Variants in MAN1A1 observed in about 807,000 individuals in gnomAD.
MAN1A1 encodes mannosyl-oligosaccharide 1,2-alpha-mannosidase IA.
In MAN1A1, 29 loss-of-function variants were observed where a neutral mutation model predicts 70.8. The ratio of observed to expected loss-of-function variants is 0.41; its 90% confidence interval spans 0.31 to 0.56. The LOEUF is 0.56. Among genes scored for constraint, MAN1A1 ranks in the 20% least tolerant of loss-of-function variants. The probability of loss-of-function intolerance (pLI) is 0.29; values close to 1 mark genes in which losing one functional copy is unlikely to be tolerated. For missense variants in MAN1A1, 747 were observed against 841.3 expected (o/e 0.89, Z 1.39); for synonymous variants, 349 against 330.1 (o/e 1.06, Z -0.62).
intron 2 of MAN1A1, among the ~76,000 whole-genome samples, chr6:119,328,311 A>G (rs967402328): frequency 6.6e-6 from 1 of 152,222 alleles, no homozygotes. Flanking sequence ...AAGGTTTCCT[A>G]GCATGCAAAC....
chr6:119,303,933 T>G (rs1416586570), intron 3 of MAN1A1, among the ~76,000 whole-genome samples: 1 of 152,238 alleles, frequency 6.6e-6, no homozygotes, highest in Non-Finnish European at 1.5e-5. Context: ...GTCATTTTCC[T>G]TTCACTGAAC....
chr6:119,234,891 G>A (rs1198808218), intron 6 of MAN1A1, among the ~76,000 whole-genome samples: 1 of 152,104 alleles, frequency 6.6e-6, no homozygotes, highest in Non-Finnish European at 1.5e-5. Context: ...CTGTGCTCAC[G>A]TTGTGTCTCT....
intron 6 of MAN1A1, among the ~76,000 whole-genome samples, chr6:119,210,426 T>C (rs1198812111): frequency 2.0e-5 from 3 of 152,000 alleles, no homozygotes; most frequent in East Asian, 3.9e-4. Flanking sequence ...TATACACCAC[T>C]TAAAAAAAAA....
chr6:119,257,099 T>C (rs1344275948), intron 5 of MAN1A1, among the ~76,000 whole-genome samples: 2 of 152,142 alleles, frequency 1.3e-5, no homozygotes, highest in African/African-American at 4.8e-5. Flanking sequence ...CTTATATAGA[T>C]GCAGGTATGT....
chr6:119,336,272 G>A (rs774934011), intron 2 of MAN1A1, among the ~76,000 whole-genome samples: 4 of 152,106 alleles, frequency 2.6e-5, no homozygotes, highest in Admixed American at 2.0e-4. Context: ...GTTTTACCAC[G>A]TTGGCCAGGC....
intron 8 of MAN1A1, among the ~76,000 whole-genome samples, chr6:119,196,303 C>T (rs1345461002): frequency 1.4e-5 from 2 of 138,966 alleles, no homozygotes; most frequent in African/African-American, 2.8e-5. Flanking sequence ...TTTAAAATTT[C>T]CTGCCTATAA....
chr6:119,236,321 C>G (rs1187260571), intron 6 of MAN1A1, among the ~76,000 whole-genome samples: 1 of 152,068 alleles, frequency 6.6e-6, no homozygotes, highest in Non-Finnish European at 1.5e-5. Flanking sequence ...TGACAATGCA[C>G]CTGGTCACCC....
intron 3 of MAN1A1, among the ~76,000 whole-genome samples, chr6:119,305,490 G>A (rs911265231): frequency 6.6e-6 from 1 of 151,920 alleles, no homozygotes; most frequent in African/African-American, 2.4e-5. Context: ...TGGTAGCTGG[G>A]TCCTAAAAAC....
chr6:119,320,061 C>T (rs1159686148), intron 2 of MAN1A1, among the ~76,000 whole-genome samples: 4 of 152,120 alleles, frequency 2.6e-5, no homozygotes, highest in Non-Finnish European at 5.9e-5. Flanking sequence ...GCAACCTCTG[C>T]CTCCTGGGTT....
intron 6 of MAN1A1, among the ~76,000 whole-genome samples, chr6:119,233,151 C>T (rs1033485302): frequency 1.3e-5 from 2 of 152,138 alleles, no homozygotes; most frequent in Non-Finnish European, 2.9e-5. Flanking sequence ...TCATTTATCA[C>T]TCTTTTAGTA....
intron 5 of MAN1A1, among the ~76,000 whole-genome samples, chr6:119,264,349 T>C (rs1189842996): frequency 2.0e-5 from 3 of 152,242 alleles, no homozygotes; most frequent in African/African-American, 7.2e-5. Flanking sequence ...GAAACAATAC[T>C]TTAATCAAAA....
intron 6 of MAN1A1, among the ~76,000 whole-genome samples, 199 bp downstream of exon 6, chr6:119,248,061 C>T (rs570077048): frequency 1.3e-5 from 2 of 152,272 alleles, no homozygotes; most frequent in African/African-American, 4.8e-5. Flanking sequence ...GTCACGCCAT[C>T]CCACAATGGG....
intron 5 of MAN1A1, among the ~76,000 whole-genome samples, chr6:119,266,283 A>C (rs1363413206): frequency 6.6e-6 from 1 of 152,190 alleles, no homozygotes; most frequent in Non-Finnish European, 1.5e-5. Context: ...AAGGTTCAAA[A>C]TAGCCAATTT....
intron 8 of MAN1A1, among the ~76,000 whole-genome samples, chr6:119,197,019 C>T (rs1773587729): frequency 6.6e-6 from 1 of 152,114 alleles, no homozygotes; most frequent in African/African-American, 2.4e-5. Context: ...CCATTAAAAG[C>T]AGAGGCAGGT....
Position 119,188,618 on chromosome 6 carries a change from G to C in MAN1A1, c.1547-41C>G, listed in dbSNP as rs371278230. On this transcript the variant is annotated intron_variant, in intron 10 of 12. Transcript: ENST00000368468. ...TGAATGAATAAGGGTTATTTTCCTG[G>C]ACAGTGCTTACAGTCAATAACTTAA... is the stretch of plus-strand genomic sequence containing the variant. The C allele has an allele frequency of 9.0e-6, 14 of 1,557,190 alleles. No individual in the cohort carries two copies. In the African/African-American group the frequency reaches 1.8e-4, roughly 20 times the overall value.
chr6:119,285,417 T>C (rs750549264), intron 5 of MAN1A1, among the ~76,000 whole-genome samples: 15 of 152,122 alleles, frequency 9.9e-5, no homozygotes, highest in African/African-American at 1.4e-4. Context: ...ATCTTTAACA[T>C]TGGGGATCAC....
At chr6:119,282,500 G>A (rs901887720) in intron 5 of MAN1A1, among the ~76,000 whole-genome samples, 1 of 152,038 alleles carries the variant, frequency 6.6e-6, no homozygotes, top group African/African-American at 2.4e-5. Flanking sequence ...AATCATAATG[G>A]AATAGTCAAT....
chr6:119,215,435 A>G (rs1247509904), intron 6 of MAN1A1, among the ~76,000 whole-genome samples: 2 of 152,164 alleles, frequency 1.3e-5, no homozygotes, highest in Admixed American at 6.5e-5. Context: ...AGAGACTGGT[A>G]ATGTGATAAG....
chr6:119,197,728 C>T (rs1773609857), intron 8 of MAN1A1, among the ~76,000 whole-genome samples: 1 of 152,142 alleles, frequency 6.6e-6, no homozygotes, highest in Admixed American at 6.5e-5. Context: ...AGTGTGTTTT[C>T]CTCTGGCTAG....
Sources: gnomAD v4.1 joint callset for allele counts (sites outside exome capture counted in the v4.1 genomes callset) on GRCh38, gnomAD v4.1.1 for gene constraint, MANE v1.5 for transcripts, NCBI Gene and HGNC (gene_info 2026-07-23, HGNC 2026-07-21) for gene names.